COG2: variants seen among roughly 807,000 people sequenced by gnomAD.
The protein encoded by COG2 is conserved oligomeric Golgi complex subunit 2.
A neutral mutation model predicts 90.6 loss-of-function variants in COG2; 52 were observed. That is an observed-to-expected ratio of 0.57 (90% CI 0.46 to 0.72). The LOEUF (loss-of-function observed/expected upper bound fraction) is 0.72. COG2 is among the 30% of genes least tolerant of loss of function. The pLI, the probability that COG2 is intolerant of heterozygous loss-of-function variation, is 0.00. For synonymous variants in COG2, 337 were observed against 320.4 expected (o/e 1.05, Z -0.55); for missense variants, 829 against 891.2 (o/e 0.93, Z 0.89).
chr1:230,661,020 TTA>T (rs1423629458), intron 3 of COG2, 197 bp downstream of exon 3: 1 of 404,854 alleles, frequency 2.5e-6, no homozygotes, highest in Admixed American at 4.5e-5. Context: ...CAAAAAAATG[TTA>T]TGTTTGATTT....
intron 1 of COG2, among the ~76,000 whole-genome samples, chr1:230,658,026 T>A (rs1209667809): frequency 1.3e-5 from 2 of 152,132 alleles, no homozygotes; most frequent in Non-Finnish European, 2.9e-5. Flanking sequence ...TCGTTTAGCT[T>A]GGAGGAGTTT....
chr1:230,669,378 T>C lies in COG2; in HGVS notation c.617T>C (p.Met206Thr). 2 of 1,613,552 alleles carry C rather than the reference T, an allele frequency of 1.2e-6. No individual in the cohort carries two copies. The highest frequency in any genetic ancestry group is 1.7e-6 in the Non-Finnish European group (2 of 1,179,576). ...CAGCGTATAGCTGGCATTACAGCCA[T>C]GTTACAGCAGTCACTGGAAGGTCTC... ...VRPRIAGITAMLQQSLEGLLL... is the reference protein window; with the variant it reads ...VRPRIAGITATLQQSLEGLLL... The change falls in exon 7 of 18, where the codon ATG becomes ACG. Residue 206 changes from methionine to threonine, a missense_variant. Transcript: ENST00000366669.
At chr1:230,656,670 A>G (rs938314325) in intron 1 of COG2, among the ~76,000 whole-genome samples, 1 of 152,178 alleles carries the variant, frequency 6.6e-6, no homozygotes, top group African/African-American at 2.4e-5. Flanking sequence ...TAATATTGAC[A>G]GTGGGGTGTT....
At chr1:230,679,075 C>G (rs758653468) in intron 10 of COG2, 23 bp downstream of exon 10, 1 of 1,594,744 alleles carries the variant, frequency 6.3e-7, no homozygotes, top group South Asian at 1.1e-5. Context: ...TTCACCGCCC[C>G]CGCCCCGCAC....
intron 16 of COG2, chr1:230,690,454 C>T (rs1229835043): frequency 3.6e-5 from 9 of 250,888 alleles, no homozygotes; most frequent in Admixed American, 5.6e-5. Context: ...CAGGTCCAGC[C>T]ACATTCTTCT....
intron 8 of COG2, among the ~76,000 whole-genome samples, chr1:230,674,140 ATCTCCGTTAT>A (rs1445505183): frequency 6.6e-6 from 1 of 152,212 alleles, no homozygotes; most frequent in Non-Finnish European, 1.5e-5. Flanking sequence ...GACTTAAGGA[ATCTCCGTTAT>A]TTAACCGTTA....
chr1:230,669,324 CTTTT>C lies in COG2; in HGVS notation c.595-26_595-23del, dbSNP rs759686159. The C allele has an allele frequency of 5.8e-6, 9 of 1,563,218 alleles. No homozygotes were observed. The South Asian group carries it at 1.0e-4, about 18-fold the overall frequency. On this transcript the variant is annotated intron_variant, in intron 6 of 17. Coordinates refer to ENST00000366669, the MANE Select transcript of COG2 (RefSeq NM_007357.3). ...GTTTCAGAAACTGTTACAACTAGAG[CTTTT>C]TTTTTATTTACCCACCTTTTCTTGC... is the stretch of plus-strand genomic sequence containing the variant.
intron 2 of COG2, among the ~76,000 whole-genome samples, chr1:230,660,472 A>G (rs1662155091): frequency 6.6e-6 from 1 of 152,214 alleles, no homozygotes; most frequent in Admixed American, 6.5e-5. Flanking sequence ...TCTCAAATTC[A>G]TTAAAATATT....
chr1:230,684,715 G>A (rs1662844122), intron 11 of COG2, among the ~76,000 whole-genome samples: 1 of 152,214 alleles, frequency 6.6e-6, no homozygotes, highest in African/African-American at 2.4e-5. Context: ...GAAGACTCTT[G>A]TGAAATAGGA....
Position 230,693,288 on chromosome 1 carries a change from G to C in COG2, c.2116-4G>C. The C allele has an allele frequency of 6.3e-7, 1 of 1,583,178 alleles. No homozygotes were observed. Among genetic ancestry groups the C allele is most frequent in the Non-Finnish European group, 8.7e-7 (1 of 1,152,236 alleles). On this transcript the variant is annotated splice_polypyrimidine_tract_variant and splice_region_variant and intron_variant, in intron 17 of 17. Transcript: ENST00000366669. ...AACATAATTCATTCTCATGGCCTTT[G>C]CAGATACAAAAGTTGGGACTACAAG...
At chr1:230,690,626 A>G (rs1663003661) in intron 16 of COG2, among the ~76,000 whole-genome samples, 1 of 152,200 alleles carries the variant, frequency 6.6e-6, no homozygotes, top group African/African-American at 2.4e-5. Context: ...AAAACCTCTA[A>G]AACACTTGAT....
chr1:230,652,851 G>A (rs1306069620), intron 1 of COG2, among the ~76,000 whole-genome samples: 1 of 152,024 alleles, frequency 6.6e-6, no homozygotes, highest in African/African-American at 2.4e-5. Context: ...GCCCACCCCA[G>A]CTTTATTTAG....
At chr1:230,657,009 C>A (rs982249382) in intron 1 of COG2, among the ~76,000 whole-genome samples, 2 of 152,134 alleles carry the variant, frequency 1.3e-5, no homozygotes, top group Non-Finnish European at 2.9e-5. Context: ...ACTGATGGGT[C>A]TTGACTCTAT....
intron 15 of COG2, among the ~76,000 whole-genome samples, chr1:230,689,164 CCA>C (rs1662961595): frequency 6.6e-6 from 1 of 151,146 alleles, no homozygotes; most frequent in Non-Finnish European, 1.5e-5. Context: ...CATCCAGTCT[CCA>C]CACACAAAAA....
intron 16 of COG2, among the ~76,000 whole-genome samples, chr1:230,690,602 A>C (rs554925622): frequency 6.6e-5 from 10 of 152,372 alleles, no homozygotes; most frequent in African/African-American, 1.9e-4. Flanking sequence ...ACAGCTGACA[A>C]GGACTCGATT....
rs1185619090 is a variant in COG2 at position 230,685,223 on chromosome 1, T to C, written c.1367T>C (p.Val456Ala). ...CTGCAGATTTTGGCACGATACTCTGTGTTTGTCAATGAGGTAAGGGCTGGC... is the reference window on the plus strand; with the variant it reads ...CTGCAGATTTTGGCACGATACTCTGCGTTTGTCAATGAGGTAAGGGCTGGC... ...LTLQILARYSVFVNELSLRPI... is the reference protein window; with the variant it reads ...LTLQILARYSAFVNELSLRPI... The change falls in exon 12 of 18, where the codon GTG becomes GCG. Residue 456 changes from valine to alanine, a missense_variant. Transcript: ENST00000366669. 2 of 1,614,206 alleles carry C rather than the reference T, an allele frequency of 1.2e-6. No homozygotes were observed. The highest frequency in any genetic ancestry group is 2.2e-5 in the South Asian group (2 of 91,074).
chr1:230,684,975 G>C (rs1353595626), intron 11 of COG2, 110 bp from the exon 12 acceptor site: 1 of 1,311,866 alleles, frequency 7.6e-7, no homozygotes, highest in African/African-American at 1.5e-5. Flanking sequence ...GTTTTCTTCA[G>C]AAGGCCATTT....
rs16852204 is a variant in COG2 at position 230,675,389 on chromosome 1, T to C, written c.1026+265T>C. On this transcript the variant is annotated intron_variant, in intron 9 of 17. Transcript: ENST00000366669. ...GTGTGAGTAGAAATGTACATTATTT[T>C]CTAACTTTCTTAAAAACATCCTGAG... 8.8e-3 allele frequency among the ~76,000 whole-genome samples: 1,333 copies of C among 152,318 alleles called. 12 individuals are homozygous for C. The highest frequency in any genetic ancestry group is 0.028 in the African/African-American group (1,160 of 41,568).
chr1:230,691,097 C>T (rs1663013178), intron 16 of COG2, among the ~76,000 whole-genome samples: 1 of 151,714 alleles, frequency 6.6e-6, no homozygotes. Context: ...AAAATTTAAG[C>T]AAAATCCACA....
Sources: allele counts gnomAD v4.1 joint callset (sites outside exome capture counted in the v4.1 genomes callset), GRCh38; gene constraint gnomAD v4.1.1; transcripts MANE v1.5; gene names NCBI Gene and HGNC (gene_info 2026-07-23, HGNC 2026-07-21).